Variants in TRIO observed in about 807,000 individuals in gnomAD.
TRIO encodes the protein triple functional domain protein.
Under a neutral mutation model 351.9 loss-of-function variants are expected in TRIO, and 58 were observed. That is an observed-to-expected ratio of 0.16 (90% CI 0.13 to 0.21). The LOEUF (loss-of-function observed/expected upper bound fraction) is 0.21, where lower values mean the gene tolerates loss of function less well. Among genes scored for constraint, TRIO ranks in the 10% least tolerant of loss-of-function variants. The probability of loss-of-function intolerance (pLI) is 1.00; values close to 1 mark genes in which losing one functional copy is unlikely to be tolerated. For synonymous variants in TRIO, 1,758 were observed against 1,595.7 expected (o/e 1.10, Z -2.42); for missense variants, 3,201 against 4,027.8 (o/e 0.79, Z 5.56).
intron 46 of TRIO, among the ~76,000 whole-genome samples, chr5:14,484,098 T>C (rs982001715): frequency 4.0e-5 from 6 of 150,846 alleles, no homozygotes; most frequent in Non-Finnish European, 8.9e-5. Context: ...GGCACTGCAC[T>C]CATCCATCCC....
At chr5:14,273,530 G>A (rs1735217437) in intron 2 of TRIO, among the ~76,000 whole-genome samples, 1 of 152,236 alleles carries the variant, frequency 6.6e-6, no homozygotes, top group African/African-American at 2.4e-5. Context: ...TTGCCAGTGT[G>A]ATGCTATTAA....
At position 14,461,284 on chromosome 5, in the gene TRIO, C is replaced by T; in HGVS notation, c.5469C>T (p.Ala1823=). 1.3e-6 allele frequency: 2 copies of T among 1,594,556 alleles called. No homozygotes were observed. Among genetic ancestry groups the T allele is most frequent in the Non-Finnish European group, 1.7e-6 (2 of 1,171,540 alleles). ...AGAAGGACTCCGACGACAGTGCGGC[C>T]ACCCCGCAGGACGAGACGGTCGAGG... The part of the protein sequence containing the change: ...GSQKDSDDSA[A]TPQDETVEER... The change falls in exon 35 of 57, where the codon GCC becomes GCT. Residue 1823 remains alanine, a synonymous_variant. Coordinates refer to ENST00000344204, the MANE Select transcript of TRIO (RefSeq NM_007118.4).
In TRIO at chr5:14,347,058, G is replaced by A. The variant is rs562901697; in HGVS notation, c.2046+10331G>A. ...GGTGGACCTGAGGTCCTGCAGAACA[G>A]AGATGATGCTGGACCAGTCATCTCA... is the stretch of plus-strand genomic sequence containing the variant. On this transcript the variant is annotated intron_variant, in intron 11 of 56. Transcript: ENST00000344204. 2.4e-4 allele frequency among the ~76,000 whole-genome samples: 36 copies of A among 150,860 alleles called. No homozygotes were observed. The South Asian group carries it at 7.2e-3, about 30-fold the overall frequency.
At chr5:14,187,480 T>A (rs139073024) in intron 1 of TRIO, among the ~76,000 whole-genome samples, 82 of 152,272 alleles carry the variant, frequency 5.4e-4, no homozygotes, top group African/African-American at 1.9e-3. Flanking sequence ...ACATGACATC[T>A]CCCCCATAAT....
At position 14,398,793 on chromosome 5, in the gene TRIO, AT is replaced by A. The variant is rs34806703; in HGVS notation, c.4424-85del. 381,636 of 1,356,628 alleles carry A rather than the reference AT, an allele frequency of 0.28. 55,899 individuals carry two copies. The highest frequency in any genetic ancestry group is 0.4 in the African/African-American group (26,933 of 68,130). 84.0% of individuals were successfully genotyped at this position (1,356,628 alleles called of 1,614,324 possible). A position where few individuals can be genotyped will look rare whatever the true frequency, so the allele number is the denominator to read the frequency against. ...GGGTTGGCCGATGGGCATTTTTAAA[AT>A]TGTTGAAAATACTAATAATGCTTTC... On this transcript the variant is annotated intron_variant, in intron 29 of 56. Coordinates refer to ENST00000344204, the MANE Select transcript of TRIO (RefSeq NM_007118.4).
intron 31 of TRIO, among the ~76,000 whole-genome samples, chr5:14,404,265 A>T (rs1748515090): frequency 6.6e-6 from 1 of 152,028 alleles, no homozygotes; most frequent in Non-Finnish European, 1.5e-5. Context: ...TTTATTTTTA[A>T]GTCTTAAGCA....
At chr5:14,404,788 A>G (rs964180875) in intron 31 of TRIO, among the ~76,000 whole-genome samples, 1 of 152,154 alleles carries the variant, frequency 6.6e-6, no homozygotes, top group Non-Finnish European at 1.5e-5. Context: ...CCTGTTAGTA[A>G]TGTTAAAGAC....
At chr5:14,187,478 T>C (rs905967194) in intron 1 of TRIO, among the ~76,000 whole-genome samples, 8 of 152,154 alleles carry the variant, frequency 5.3e-5, no homozygotes, top group African/African-American at 1.7e-4. Context: ...TAACATGACA[T>C]CTCCCCCATA....
chr5:14,205,894 G>A (rs1361365628), intron 1 of TRIO, among the ~76,000 whole-genome samples: 1 of 151,842 alleles, frequency 6.6e-6, no homozygotes, highest in Non-Finnish European at 1.5e-5. Flanking sequence ...CACCACACCC[G>A]GCTAATTTTT....
At chr5:14,492,898 G>T (rs908527094) in intron 49 of TRIO, 84 bp downstream of exon 49, 16 of 1,556,030 alleles carry the variant, frequency 1.0e-5, no homozygotes, top group African/African-American at 2.7e-5. Context: ...CTCAGACGGG[G>T]TAAGCATGTG....
At chr5:14,367,821 T>C (rs1744736191) in intron 16 of TRIO, among the ~76,000 whole-genome samples, 1 of 152,190 alleles carries the variant, frequency 6.6e-6, no homozygotes, top group African/African-American at 2.4e-5. Flanking sequence ...GGACATGCAT[T>C]AACACCTCTT....
Position 14,387,945 on chromosome 5 carries a change from G to A in TRIO, c.3881+98G>A. On this transcript the variant is annotated intron_variant, in intron 23 of 56. Transcript: ENST00000344204. ...TCTGTGTGTGCTTTGAAGTCACATGGCACCCAGGCTTTTTGTTGCTCTGGG... is the reference window on the plus strand; with the variant it reads ...TCTGTGTGTGCTTTGAAGTCACATGACACCCAGGCTTTTTGTTGCTCTGGG... 5.3e-6 allele frequency: 7 copies of A among 1,309,122 alleles called. No homozygotes were observed. In the South Asian group the frequency reaches 9.3e-5, roughly 17 times the overall value. The allele number at this position is 1,309,122 out of a possible 1,614,324, so 81.1% of individuals were successfully genotyped here.
At position 14,471,388 on chromosome 5, in the gene TRIO, C is replaced by T. The variant is rs771840207; in HGVS notation, c.5834C>T (p.Ser1945Leu). 5.8e-5 allele frequency: 94 copies of T among 1,614,002 alleles called. No individual in the cohort carries two copies. Among genetic ancestry groups the T allele is most frequent in the Admixed American group, 1.0e-4 (6 of 59,988 alleles). ...AGTAGCAGCCCTTCCTTCAACCCTT[C>T]GGATAATTCCCTTCTCTCTTCCTCC... Reference protein sequence around the residue: ...GDSSSPSFNPSDNSLLSSSSP... With the variant: ...GDSSSPSFNPLDNSLLSSSSP... Residue 1945 changes from serine to leucine, a missense_variant, in exon 38 of 57, where the codon TCG (serine) becomes TTG (leucine). Around this residue, in one of 19 missense-constraint regions of TRIO, gnomAD observed 307 missense variants for 396.5 expected, o/e 0.77. Coordinates refer to ENST00000344204, the MANE Select transcript of TRIO (RefSeq NM_007118.4).
chr5:14,214,621 AGCAGAATGGGT>A (rs1451898926), intron 1 of TRIO, among the ~76,000 whole-genome samples: 3 of 152,266 alleles, frequency 2.0e-5, no homozygotes, highest in Non-Finnish European at 4.4e-5. Flanking sequence ...GAAAGAACAT[AGCAGAATGGGT>A]GCAGACCTAT....
At position 14,419,829 on chromosome 5, in the gene TRIO, A is replaced by C. The variant is rs1218616446; in HGVS notation, c.5011A>C (p.Asn1671His). The C allele has an allele frequency of 1.2e-6, 2 of 1,614,184 alleles. No homozygotes were observed. The highest frequency in any genetic ancestry group is 2.2e-5 in the South Asian group (2 of 91,084). Residue 1671 changes from asparagine (N) to histidine (H), a missense_variant, in exon 34 of 57, where the codon AAC becomes CAC. By Grantham distance (68) the Asn-to-His change is moderately conservative. Coordinates refer to ENST00000344204, the MANE Select transcript of TRIO (RefSeq NM_007118.4). ...TVVIHDFTAC[N>H]SNELTIRRGQ... is the part of the protein sequence containing the mutation. ...GGTGATCCATGACTTCACCGCTTGC[A>C]ACAGCAACGAGCTGACCATCCGACG...
chr5:14,156,481 ATC>A (rs1210772674), intron 1 of TRIO, among the ~76,000 whole-genome samples: 1 of 152,130 alleles, frequency 6.6e-6, no homozygotes, highest in Non-Finnish European at 1.5e-5. Context: ...CGTGATTGAG[ATC>A]TCTTTCTGCA....
intron 2 of TRIO, among the ~76,000 whole-genome samples, chr5:14,280,098 C>T (rs878992819): frequency 6.6e-6 from 1 of 152,158 alleles, no homozygotes; most frequent in Non-Finnish European, 1.5e-5. Flanking sequence ...AAAGACAAGG[C>T]CATATGTAGT....
At chr5:14,245,136 G>C (rs1326078210) in intron 1 of TRIO, among the ~76,000 whole-genome samples, 2 of 152,202 alleles carry the variant, frequency 1.3e-5, no homozygotes, top group Non-Finnish European at 2.9e-5. Flanking sequence ...TTGTTCCTCT[G>C]TAAGGGTTTC....
At chr5:14,402,376 G>T (rs1748148615) in intron 31 of TRIO, among the ~76,000 whole-genome samples, 1 of 152,216 alleles carries the variant, frequency 6.6e-6, no homozygotes, top group Non-Finnish European at 1.5e-5. Flanking sequence ...GCTTCGCCAG[G>T]TACAAGTTTT....
Sources: allele counts gnomAD v4.1 joint callset (sites outside exome capture counted in the v4.1 genomes callset), GRCh38; gene constraint gnomAD v4.1.1; regional missense constraint gnomAD v4.1.1; transcripts MANE v1.5; gene names NCBI Gene and HGNC (gene_info 2026-07-23, HGNC 2026-07-21).